The following OPRM1 variants were observed in gnomAD, a reference collection of about 807,000 sequenced individuals.
OPRM1 encodes the protein opioid receptor mu 1.
Under a neutral mutation model 31.8 loss-of-function variants are expected in OPRM1, and 27 were observed. The ratio of observed to expected loss-of-function variants is 0.85; its 90% CI spans 0.63 to 1.17. OPRM1 has a LOEUF of 1.17. Among genes scored for constraint, OPRM1 ranks in the 50% most tolerant of loss-of-function variants. The probability of loss-of-function intolerance (pLI) is 0.00; values close to 1 mark genes in which losing one functional copy is unlikely to be tolerated. For missense variants in OPRM1, 536 were observed against 511.1 expected, an observed-to-expected ratio of 1.05 and a Z score of -0.47; for synonymous variants, 196 against 189.9, an observed-to-expected ratio of 1.03 and a Z score of -0.26.
intron 3 of OPRM1, among the ~76,000 whole-genome samples, chr6:154,150,640 C>T (rs1798475730): frequency 6.6e-6 from 1 of 152,244 alleles, no homozygotes; most frequent in Non-Finnish European, 1.5e-5. Context: ...TCAGACGTTT[C>T]AAGTGAACCT....
chr6:154,191,552 T>C (rs1418350109), intron 3 of OPRM1, among the ~76,000 whole-genome samples: 1 of 151,988 alleles, frequency 6.6e-6, no homozygotes, highest in Non-Finnish European at 1.5e-5. Flanking sequence ...CGAGCGCCTA[T>C]AGTCCTAGCT....
chr6:154,110,418 C>T (rs1300198971), intron 3 of OPRM1: 2 of 1,496,170 alleles, frequency 1.3e-6, no homozygotes, highest in Admixed American at 4.0e-5. Context: ...CTAATAATTA[C>T]AATATTTTCC....
intron 3 of OPRM1, chr6:154,199,855 A>C (rs1776924167): frequency 6.2e-7 from 1 of 1,614,098 alleles, no homozygotes; most frequent in Admixed American, 1.7e-5. Context: ...CTTGCACAGC[A>C]AACGTTATTG....
chr6:154,083,899 G>C (rs1360448656), intron 1 of OPRM1, among the ~76,000 whole-genome samples: 2 of 140,994 alleles, frequency 1.4e-5, no homozygotes, highest in East Asian at 4.5e-4. Flanking sequence ...AGCCGAGATC[G>C]CGCCACTGCA....
intron 1 of OPRM1, among the ~76,000 whole-genome samples, chr6:154,028,030 C>T (rs1778799115): frequency 6.6e-6 from 1 of 152,174 alleles, no homozygotes; most frequent in Admixed American, 6.5e-5. Flanking sequence ...CTCCCCCAGC[C>T]ACTTTTCTCA....
At chr6:154,099,454 G>A (rs201520101) in intron 3 of OPRM1, among the ~76,000 whole-genome samples, 2 of 142,662 alleles carry the variant, frequency 1.4e-5, no homozygotes, top group African/African-American at 5.3e-5. Context: ...GAAAGAAAGA[G>A]AGAAAGAAAG....
chr6:154,068,287 A>C lies in OPRM1; in HGVS notation c.291-21539A>C, dbSNP rs184790598. Among the ~76,000 whole-genome samples the C allele has an allele frequency of 2.4e-3, 372 of 152,268 alleles. 1 individual carries two copies. The highest frequency in any genetic ancestry group is 4.5e-3 in the Non-Finnish European group (306 of 68,004). On this transcript the variant is annotated intron_variant, in intron 1 of 3. Transcript: ENST00000330432. The stretch of plus-strand genomic sequence containing the variant: ...CCATATTTCAATATTAACTATAGTC[A>C]CCATGTTGTACAATAGATCTCTTGA...
chr6:154,152,390 A>AAGAAAGAAAGAAAGAGAGAGAGAG (rs1360734115), intron 3 of OPRM1, among the ~76,000 whole-genome samples: 3 of 126,196 alleles, frequency 2.4e-5, no homozygotes, highest in Admixed American at 7.7e-5. Context: ...GAAAGAAAGA[A>AAGAAAGAAAGAAAGAGAGAGAGAG]AGAGAAATAG....
At chr6:154,185,603 T>C (rs1357144327) in intron 3 of OPRM1, among the ~76,000 whole-genome samples, 2 of 152,220 alleles carry the variant, frequency 1.3e-5, no homozygotes, top group Non-Finnish European at 2.9e-5. Context: ...CATATGCTTA[T>C]TATAAATATT....
At chr6:154,102,669 A>C (rs571311656) in intron 3 of OPRM1, among the ~76,000 whole-genome samples, 1 of 152,158 alleles carries the variant, frequency 6.6e-6, no homozygotes, top group Non-Finnish European at 1.5e-5. Flanking sequence ...TGTGATGCCA[A>C]AATGCCTCCA....
At chr6:154,175,658 T>C (rs536338415) in intron 3 of OPRM1, among the ~76,000 whole-genome samples, 96 of 152,046 alleles carry the variant, frequency 6.3e-4, no homozygotes, top group Non-Finnish European at 1.2e-3. Flanking sequence ...AAAAATAGCT[T>C]CTGAAATTGA....
rs953223206 is a variant in OPRM1 at position 154,125,364 on chromosome 6, A to G, written c.*6643A>G. Among the ~76,000 whole-genome samples, 6 of 152,208 alleles carry G rather than the reference A, an allele frequency of 3.9e-5. No individual in the cohort carries two copies. Among genetic ancestry groups the G allele is most frequent in the Non-Finnish European group, 8.8e-5 (6 of 68,036 alleles). On this transcript the variant is annotated 3_prime_UTR_variant, in exon 4 of 4. Transcript: ENST00000330432. ...TTTTCTACCTGCCCCACAACTGTGT[A>G]CATAAAACCTAAACCTCTGAAGCAA... is the stretch of plus-strand genomic sequence containing the variant.
At chr6:154,030,435 A>G (rs1246414371) in intron 1 of OPRM1, among the ~76,000 whole-genome samples, 2 of 152,200 alleles carry the variant, frequency 1.3e-5, no homozygotes, top group African/African-American at 4.8e-5. Flanking sequence ...TATAATTAAG[A>G]ATGAACTTCA....
chr6:154,181,931 G>C (rs550637201), intron 3 of OPRM1, among the ~76,000 whole-genome samples: 2 of 152,222 alleles, frequency 1.3e-5, no homozygotes, highest in Non-Finnish European at 2.9e-5. Context: ...TGAGTGCTTA[G>C]AAGATGAGAA....
At chr6:154,099,925 T>TA (rs1794289978) in intron 3 of OPRM1, among the ~76,000 whole-genome samples, 2 of 139,212 alleles carry the variant, frequency 1.4e-5, no homozygotes, top group East Asian at 2.0e-4. Context: ...ATAACATGTA[T>TA]TATCATATTA....
intron 1 of OPRM1, among the ~76,000 whole-genome samples, chr6:154,014,284 T>C (rs1426707259): frequency 6.6e-6 from 1 of 152,140 alleles, no homozygotes. Context: ...TGTAGGGCCT[T>C]GTAGGCCATT....
At chr6:154,195,399 G>T (rs371078493) in intron 3 of OPRM1, among the ~76,000 whole-genome samples, 1 of 151,886 alleles carries the variant, frequency 6.6e-6, no homozygotes, top group East Asian at 1.9e-4. Context: ...CGCCCACCTC[G>T]GCCTCCCAAA....
intron 3 of OPRM1, among the ~76,000 whole-genome samples, chr6:154,201,787 C>T (rs544365107): frequency 1.4e-4 from 22 of 152,240 alleles, no homozygotes; most frequent in Admixed American, 1.1e-3. Flanking sequence ...CCCAGCTACT[C>T]GGGAAGCTGA....
intron 3 of OPRM1, among the ~76,000 whole-genome samples, chr6:154,149,634 GTA>G (rs1798446968): frequency 6.8e-6 from 1 of 147,140 alleles, no homozygotes; most frequent in Non-Finnish European, 1.5e-5. Context: ...GCGTGTGTGT[GTA>G]GAGAGAGAGA....
Sources: allele counts gnomAD v4.1 joint callset (sites outside exome capture counted in the v4.1 genomes callset), GRCh38; gene constraint gnomAD v4.1.1; transcripts MANE v1.5; gene names NCBI Gene and HGNC (gene_info 2026-07-23, HGNC 2026-07-21).